The following ZNF385B variants were observed in gnomAD, a reference collection of about 807,000 sequenced individuals.
The protein encoded by ZNF385B is zinc finger protein 385B.
A neutral mutation model predicts 39.2 loss-of-function variants in ZNF385B; 23 were observed. That is an observed-to-expected ratio of 0.59 (90% CI 0.42 to 0.83). The LOEUF (loss-of-function observed/expected upper bound fraction) is 0.83. ZNF385B is among the 40% of genes least tolerant of loss of function. The pLI is 0.00. For missense variants in ZNF385B, 552 were observed against 598.9 expected, an observed-to-expected ratio of 0.92 and a Z score of 0.82; for synonymous variants, 205 against 222.6, an observed-to-expected ratio of 0.92 and a Z score of 0.70.
At chr2:179,543,957 AT>A (rs200262660) in intron 4 of ZNF385B, among the ~76,000 whole-genome samples, 6 of 151,812 alleles carry the variant, frequency 4.0e-5, no homozygotes, top group South Asian at 2.1e-4. Flanking sequence ...TGATAATGCA[AT>A]TTTTTTTTAT....
At chr2:179,852,336 C>T (rs151168567) in intron 1 of ZNF385B, among the ~76,000 whole-genome samples, 16 of 152,300 alleles carry the variant, frequency 1.1e-4, no homozygotes, top group African/African-American at 3.6e-4. Flanking sequence ...CCATAGTGGT[C>T]TCAATACTAT....
chr2:179,687,402 T>C (rs1698005510), intron 3 of ZNF385B, among the ~76,000 whole-genome samples: 1 of 152,104 alleles, frequency 6.6e-6, no homozygotes, highest in African/African-American at 2.4e-5. Flanking sequence ...TTCATTCACA[T>C]TATAAACTCC....
chr2:179,476,822 C>T (rs2105556518), intron 6 of ZNF385B, among the ~76,000 whole-genome samples: 1 of 152,236 alleles, frequency 6.6e-6, no homozygotes, highest in Non-Finnish European at 1.5e-5. Context: ...TCTCTTTAGA[C>T]AGATGGGACT....
In ZNF385B at chr2:179,673,626, G is replaced by A. The variant is rs1006980066; in HGVS notation, c.298+95877C>T. Among the ~76,000 whole-genome samples the A allele has an allele frequency of 2.2e-4, 33 of 152,156 alleles. 1 individual carries two copies. Among genetic ancestry groups the A allele is most frequent in the African/African-American group, 7.7e-4 (32 of 41,528 alleles). Reference sequence around the variant, plus strand: ...CCTACCTGTTGCCCCCCTTCCTTCTGCCTCCTTCACTTGACTTTCCTCTTC... The same window carrying A: ...CCTACCTGTTGCCCCCCTTCCTTCTACCTCCTTCACTTGACTTTCCTCTTC... On this transcript the variant is annotated intron_variant, in intron 3 of 9. Coordinates refer to ENST00000410066, the MANE Select transcript of ZNF385B (RefSeq NM_152520.6).
At chr2:179,561,115 C>T (rs900884627) in intron 3 of ZNF385B, among the ~76,000 whole-genome samples, 5 of 152,204 alleles carry the variant, frequency 3.3e-5, no homozygotes, top group Non-Finnish European at 7.3e-5. Flanking sequence ...GGTGCTTTTA[C>T]ATATATTAAG....
chr2:179,784,800 T>C (rs7602719), intron 1 of ZNF385B, among the ~76,000 whole-genome samples: 11,928 of 152,184 alleles, frequency 0.078, 543 homozygotes, highest in Non-Finnish European at 0.11. Context: ...ATGTGTTTCA[T>C]GAAGATGTGC....
chr2:179,697,143 T>C (rs62175186), intron 3 of ZNF385B, among the ~76,000 whole-genome samples: 60,564 of 152,132 alleles, frequency 0.4, 13,045 homozygotes, highest in East Asian at 0.57. Context: ...AATAAGCATA[T>C]GTGCCTTTTT....
At chr2:179,493,783 A>ATATAT (rs1559338449) in intron 5 of ZNF385B, among the ~76,000 whole-genome samples, 1 of 103,060 alleles carries the variant, frequency 9.7e-6, no homozygotes, top group Non-Finnish European at 2.2e-5. Context: ...ATGTATATAC[A>ATATAT]CATATGTATA....
intron 1 of ZNF385B, among the ~76,000 whole-genome samples, chr2:179,840,555 T>C (rs1708486629): frequency 2.0e-5 from 3 of 152,242 alleles, no homozygotes; most frequent in Non-Finnish European, 2.9e-5. Flanking sequence ...ATAAATTCAG[T>C]ACCAGCATTT....
At chr2:179,583,980 A>G in intron 3 of ZNF385B, 1 of 1,292,770 alleles carries the variant, frequency 7.7e-7, no homozygotes, top group South Asian at 1.2e-5. Context: ...TTTACCGAGC[A>G]TCTGCCATGT....
At position 179,446,636 on chromosome 2, in the gene ZNF385B, C is replaced by T. The variant is rs753708742; in HGVS notation, c.850G>A (p.Ala284Thr). The change falls in exon 7 of 10, where the codon GCT becomes ACT. Residue 284 changes from alanine (A) to threonine (T), a missense_variant. Coordinates refer to ENST00000410066, the MANE Select transcript of ZNF385B (RefSeq NM_152520.6). ...TCTGATTCAACAACAGTACCGGGAG[C>T]TCCATTTGTGCTCTTGGAGGGAGAA... ...ATSPSKSTNG[A>T]PGTVVESEEE... 6 of 1,613,974 alleles carry T rather than the reference C, an allele frequency of 3.7e-6. No homozygotes were observed. The highest frequency in any genetic ancestry group is 3.3e-5 in the Admixed American group (2 of 59,978).
At chr2:179,480,353 C>T (rs1017441381) in intron 6 of ZNF385B, among the ~76,000 whole-genome samples, 1 of 152,168 alleles carries the variant, frequency 6.6e-6, no homozygotes, top group East Asian at 1.9e-4. Context: ...AGTCACCATT[C>T]CTCTTCCCAC....
chr2:179,593,767 C>A (rs35877676), intron 3 of ZNF385B, among the ~76,000 whole-genome samples: 26,771 of 152,002 alleles, frequency 0.18, 2,944 homozygotes, highest in South Asian at 0.28. Flanking sequence ...ACTAGGGTGA[C>A]GATGTAATTT....
intron 1 of ZNF385B, among the ~76,000 whole-genome samples, chr2:179,831,475 C>T (rs1707982419): frequency 6.8e-6 from 1 of 147,014 alleles, no homozygotes; most frequent in Non-Finnish European, 1.5e-5. Context: ...CCAAAACTTA[C>T]AGGATCAAGT....
intron 3 of ZNF385B, among the ~76,000 whole-genome samples, chr2:179,736,268 G>A (rs1701748462): frequency 6.6e-6 from 1 of 151,970 alleles, no homozygotes; most frequent in African/African-American, 2.4e-5. Flanking sequence ...CTTGATACTT[G>A]CTTTGGGAGC....
At chr2:179,709,900 G>A (rs1390643208) in intron 3 of ZNF385B, among the ~76,000 whole-genome samples, 2 of 152,162 alleles carry the variant, frequency 1.3e-5, no homozygotes, top group Non-Finnish European at 2.9e-5. Context: ...ATGCCACACA[G>A]AAAAGTACCA....
At chr2:179,644,556 A>T (rs543347773) in intron 3 of ZNF385B, among the ~76,000 whole-genome samples, 2 of 152,222 alleles carry the variant, frequency 1.3e-5, no homozygotes, top group Non-Finnish European at 2.9e-5. Flanking sequence ...TAAGAGAGAT[A>T]TGTATTTCAA....
At chr2:179,770,708 G>A (rs1285887210) in intron 1 of ZNF385B, 36 bp from the exon 2 acceptor site, 1 of 152,066 alleles carries the variant, frequency 6.6e-6, no homozygotes, top group East Asian at 1.9e-4. Context: ...TTAGTAAACT[G>A]GTAATTGAAA....
intron 3 of ZNF385B, among the ~76,000 whole-genome samples, chr2:179,666,144 G>T (rs1004882848): frequency 5.9e-5 from 9 of 152,122 alleles, no homozygotes; most frequent in African/African-American, 2.2e-4. Flanking sequence ...AAGATTTTAA[G>T]ATTTGCTCCC....
Sources: allele counts gnomAD v4.1 joint callset (sites outside exome capture counted in the v4.1 genomes callset), GRCh38; gene constraint gnomAD v4.1.1; transcripts MANE v1.5; gene names NCBI Gene and HGNC (gene_info 2026-07-23, HGNC 2026-07-21).